MALRD1: variants seen among roughly 807,000 people sequenced by gnomAD.
MALRD1 encodes MAM and LDL receptor class A domain containing 1.
A neutral mutation model predicts 242.1 loss-of-function variants in MALRD1; 247 were observed. The ratio of observed to expected loss-of-function variants is 1.02; its 90% CI spans 0.92 to 1.13. The LOEUF is 1.13. Ranked by LOEUF, MALRD1 falls within the 50% of genes most tolerant of loss-of-function variation. The pLI, the probability that MALRD1 is intolerant of heterozygous loss-of-function variation, is 0.00. For synonymous variants in MALRD1, 995 were observed against 866.6 expected (o/e 1.15, Z -2.60); for missense variants, 2,989 against 2,533.1 (o/e 1.18, Z -3.86).
intron 18 of MALRD1, among the ~76,000 whole-genome samples, chr10:19,233,055 T>C (rs936978210): frequency 2.6e-5 from 4 of 152,182 alleles, no homozygotes; most frequent in Non-Finnish European, 5.9e-5. Context: ...TTTTAAAATA[T>C]TTTCATTATT....
chr10:19,113,469 T>A (rs759378684), intron 5 of MALRD1, among the ~76,000 whole-genome samples: 17 of 151,708 alleles, frequency 1.1e-4, no homozygotes, highest in Non-Finnish European at 1.8e-4. Context: ...TTCCTCTCCT[T>A]CATCCTCTCC....
intron 26 of MALRD1, 39 bp from the exon 27 acceptor site, chr10:19,387,489 A>T: frequency 6.5e-7 from 1 of 1,537,086 alleles, no homozygotes; most frequent in Non-Finnish European, 8.8e-7. Flanking sequence ...ATGTGTTAGG[A>T]GTGTTCGCTC....
intron 11 of MALRD1, among the ~76,000 whole-genome samples, chr10:19,150,365 C>G (rs1323187221): frequency 1.3e-5 from 2 of 152,054 alleles, no homozygotes; most frequent in Non-Finnish European, 2.9e-5. Flanking sequence ...CCAATCCATG[C>G]ACACGATCGG....
chr10:19,607,698 G>A, intron 34 of MALRD1, 79 bp from the exon 35 acceptor site: 4 of 1,477,886 alleles, frequency 2.7e-6, no homozygotes, highest in Non-Finnish European at 3.6e-6. Context: ...ACTGTTTTAT[G>A]TTATTTTGTT....
intron 32 of MALRD1, among the ~76,000 whole-genome samples, chr10:19,541,309 A>G (rs1350843282): frequency 1.3e-5 from 2 of 152,210 alleles, no homozygotes; most frequent in East Asian, 1.9e-4. Flanking sequence ...ATATGCAATT[A>G]TCCCCATGCA....
intron 28 of MALRD1, among the ~76,000 whole-genome samples, chr10:19,426,525 G>A (rs181077595): frequency 1.1e-3 from 169 of 152,234 alleles, no homozygotes; most frequent in African/African-American, 3.8e-3. Flanking sequence ...GCTTTGGCTG[G>A]GCACGGTGGC....
intron 32 of MALRD1, among the ~76,000 whole-genome samples, chr10:19,566,430 C>T (rs1044672943): frequency 8.6e-5 from 13 of 151,224 alleles, no homozygotes; most frequent in East Asian, 1.9e-4. Context: ...TGAGCCACCA[C>T]GCCAGGCCAT....
At chr10:19,178,553 C>G (rs1377947688) in intron 14 of MALRD1, among the ~76,000 whole-genome samples, 1 of 152,190 alleles carries the variant, frequency 6.6e-6, no homozygotes, top group Non-Finnish European at 1.5e-5. Flanking sequence ...AATCTTAGAG[C>G]TGTAGTTTTC....
At chr10:19,519,054 T>G (rs1346830947) in intron 31 of MALRD1, among the ~76,000 whole-genome samples, 2 of 152,212 alleles carry the variant, frequency 1.3e-5, no homozygotes, top group African/African-American at 4.8e-5. Context: ...TTTCTGTCTT[T>G]TCTTTGACTT....
intron 28 of MALRD1, among the ~76,000 whole-genome samples, chr10:19,446,733 G>C (rs1171497192): frequency 6.6e-6 from 1 of 152,098 alleles, no homozygotes; most frequent in African/African-American, 2.4e-5. Flanking sequence ...ATTATGAGAA[G>C]AAAATAATTC....
intron 21 of MALRD1, among the ~76,000 whole-genome samples, chr10:19,290,057 G>A (rs1841334240): frequency 6.6e-6 from 1 of 152,164 alleles, no homozygotes; most frequent in Non-Finnish European, 1.5e-5. Flanking sequence ...CCACAGTATG[G>A]TAGGAATATG....
intron 26 of MALRD1, among the ~76,000 whole-genome samples, chr10:19,355,721 A>G (rs1427905321): frequency 1.3e-5 from 2 of 150,968 alleles, no homozygotes; most frequent in East Asian, 3.9e-4. Flanking sequence ...ATTTCTTGGT[A>G]AAAGTGATAT....
intron 14 of MALRD1, among the ~76,000 whole-genome samples, chr10:19,186,540 C>G (rs150573476): frequency 6.6e-6 from 1 of 152,182 alleles, no homozygotes; most frequent in African/African-American, 2.4e-5. Flanking sequence ...ATACGTGATT[C>G]TTCTTCCGCC....
chr10:19,134,731 A>C (rs1261302573), intron 9 of MALRD1, among the ~76,000 whole-genome samples: 1 of 152,210 alleles, frequency 6.6e-6, no homozygotes, highest in Non-Finnish European at 1.5e-5. Context: ...GTACTAAACA[A>C]GTTTCTTTTT....
intron 36 of MALRD1, 130 bp from the exon 37 acceptor site, chr10:19,692,152 T>C: frequency 1.4e-6 from 1 of 709,052 alleles, no homozygotes; most frequent in South Asian, 2.8e-5. Flanking sequence ...TTTTGGTTTT[T>C]TATCAAAGTT....
At chr10:19,730,878 T>C in intron 39 of MALRD1, 97 bp downstream of exon 39, 1 of 1,109,990 alleles carries the variant, frequency 9.0e-7, no homozygotes, top group Non-Finnish European at 1.3e-6. Flanking sequence ...TTGATCATGT[T>C]TCTACATCAT....
At chr10:19,177,780 A>G (rs1276426951) in intron 14 of MALRD1, among the ~76,000 whole-genome samples, 1 of 152,206 alleles carries the variant, frequency 6.6e-6, no homozygotes, top group East Asian at 1.9e-4. Context: ...CAATGGTAAC[A>G]GACTGAGCAG....
intron 32 of MALRD1, among the ~76,000 whole-genome samples, chr10:19,556,414 C>A (rs544625893): frequency 1.3e-5 from 2 of 152,038 alleles, no homozygotes; most frequent in Admixed American, 1.3e-4. Context: ...CTAAAATTCC[C>A]CTTTGCTCCA....
intron 36 of MALRD1, among the ~76,000 whole-genome samples, chr10:19,684,621 A>G (rs1343980053): frequency 2.0e-5 from 3 of 152,164 alleles, no homozygotes; most frequent in Non-Finnish European, 4.4e-5. Flanking sequence ...GCATGCTGGC[A>G]CATGCCTGTA....
Sources: gnomAD v4.1 joint callset for allele counts (sites outside exome capture counted in the v4.1 genomes callset) on GRCh38, gnomAD v4.1.1 for gene constraint, MANE v1.5 for transcripts, NCBI Gene and HGNC (gene_info 2026-07-23, HGNC 2026-07-21) for gene names.